JAM3: variants seen among roughly 807,000 people sequenced by gnomAD.
JAM3 encodes the protein junctional adhesion molecule C.
Under a neutral mutation model 39.4 loss-of-function variants are expected in JAM3, and 31 were observed. The observed-to-expected ratio is 0.79, with a 90% confidence interval of 0.59 to 1.06. JAM3 has a LOEUF of 1.06. Ranked by LOEUF, JAM3 falls within the 50% of genes least tolerant of loss-of-function variation. The pLI is 0.00. For synonymous variants in JAM3, 182 were observed against 148.7 expected, an observed-to-expected ratio of 1.22 and a Z score of -1.63; for missense variants, 455 against 391.4, an observed-to-expected ratio of 1.16 and a Z score of -1.37.
intron 1 of JAM3, among the ~76,000 whole-genome samples, chr11:134,127,570 CAT>C (rs1942673756): frequency 6.6e-6 from 1 of 152,162 alleles, no homozygotes; most frequent in Non-Finnish European, 1.5e-5. Flanking sequence ...CGTGGTGGCA[CAT>C]GTCTGTAGTC....
At chr11:134,133,123 G>C (rs1401760902) in intron 1 of JAM3, among the ~76,000 whole-genome samples, 1 of 152,216 alleles carries the variant, frequency 6.6e-6, no homozygotes, top group East Asian at 1.9e-4. Context: ...AGAACCAGAA[G>C]TTCTGCATGT....
intron 1 of JAM3, among the ~76,000 whole-genome samples, chr11:134,138,396 C>G (rs596060): frequency 2.3e-5 from 2 of 85,514 alleles, no homozygotes; most frequent in East Asian, 3.8e-4. Flanking sequence ...GGTGGTGTCT[C>G]GTCGAAGTCG....
intron 1 of JAM3, among the ~76,000 whole-genome samples, chr11:134,093,577 G>T (rs879199981): frequency 1.2e-3 from 91 of 78,458 alleles, no homozygotes; most frequent in Admixed American, 2.0e-3. Context: ...TGAGGGAAGC[G>T]TGTCCTGAAC....
intron 1 of JAM3, among the ~76,000 whole-genome samples, chr11:134,088,842 T>A (rs1013448271): frequency 6.6e-6 from 1 of 152,220 alleles, no homozygotes; most frequent in African/African-American, 2.4e-5. Flanking sequence ...CCTGCTGGAG[T>A]GCAGTGGAGC....
intron 1 of JAM3, among the ~76,000 whole-genome samples, chr11:134,084,695 G>A (rs1037805863): frequency 1.3e-5 from 2 of 152,150 alleles, no homozygotes; most frequent in African/African-American, 4.8e-5. Context: ...TTCAGAGGCA[G>A]ATTTAAAGGG....
chr11:134,112,452 CTCTA>C (rs778777450), intron 1 of JAM3, among the ~76,000 whole-genome samples: 42 of 152,150 alleles, frequency 2.8e-4, no homozygotes, highest in Non-Finnish European at 4.8e-4. Flanking sequence ...TTTCAAGTCA[CTCTA>C]TCTAAATGAA....
intron 1 of JAM3, among the ~76,000 whole-genome samples, chr11:134,083,955 A>G (rs1331715764): frequency 1.3e-5 from 2 of 152,188 alleles, no homozygotes; most frequent in African/African-American, 4.8e-5. Context: ...TTGGACTCTA[A>G]AGAAATATTA....
At chr11:134,120,641 A>G (rs1417362285) in intron 1 of JAM3, among the ~76,000 whole-genome samples, 1 of 152,180 alleles carries the variant, frequency 6.6e-6, no homozygotes, top group Non-Finnish European at 1.5e-5. Flanking sequence ...CTGCTCTGCT[A>G]TTCCGATGAG....
intron 6 of JAM3, among the ~76,000 whole-genome samples, chr11:134,147,064 ACT>A (rs1943086880): frequency 6.6e-6 from 1 of 152,072 alleles, no homozygotes; most frequent in Non-Finnish European, 1.5e-5. Flanking sequence ...CGTTTGAGAA[ACT>A]CTGCTCTAGG....
rs769351420 is a variant in JAM3 at position 134,139,897 on chromosome 11, A to T, written c.123A>T (p.Pro41=). Residue 41 remains proline (P), a synonymous_variant, in exon 2 of 9, where the codon CCA becomes CCT. Transcript: ENST00000299106. ...AVNLKSSNRT[P]VVQEFESVEL... ...ATCTCAAATCCAGCAATCGAACCCC[A>T]GTGGTACAGGAATTTGAAAGTAAGT... 1.2e-5 allele frequency: 20 copies of T among 1,613,744 alleles called. No individual in the cohort carries two copies. The highest frequency in any genetic ancestry group is 1.6e-5 in the Non-Finnish European group (19 of 1,179,746).
intron 1 of JAM3, among the ~76,000 whole-genome samples, chr11:134,131,471 C>T (rs140524100): frequency 7.9e-5 from 12 of 151,848 alleles, no homozygotes; most frequent in African/African-American, 2.9e-4. Flanking sequence ...CAGAGTTAAC[C>T]GTATTATAAT....
In JAM3 at chr11:134,133,999, A is replaced by G. The variant is rs56236917; in HGVS notation, c.77-5852A>G. Among the ~76,000 whole-genome samples, 300 of 152,248 alleles carry G rather than the reference A, an allele frequency of 2.0e-3. 2 individuals carry two copies. Among genetic ancestry groups the G allele is most frequent in the Non-Finnish European group, 3.3e-3 (224 of 68,022 alleles). On this transcript the variant is annotated intron_variant, in intron 1 of 8. Coordinates refer to ENST00000299106, the MANE Select transcript of JAM3 (RefSeq NM_032801.5). ...TAATATGCTAAGGGTTCTAATGGGA[A>G]AAGTAGATAACATAAGTAGATAACA...
chr11:134,111,924 G>A (rs1942319659), intron 1 of JAM3, among the ~76,000 whole-genome samples: 3 of 152,096 alleles, frequency 2.0e-5, no homozygotes, highest in Admixed American at 2.0e-4. Flanking sequence ...AAACACCTCA[G>A]CGATCTGAAG....
intron 1 of JAM3, among the ~76,000 whole-genome samples, chr11:134,090,014 G>T (rs1941816312): frequency 6.6e-6 from 1 of 152,196 alleles, no homozygotes; most frequent in Admixed American, 6.5e-5. Flanking sequence ...ACTGGTGTGA[G>T]ATGGTATCTC....
In JAM3 at chr11:134,126,960, G is replaced by A. The variant is rs1486267858; in HGVS notation, c.77-12891G>A. Among the ~76,000 whole-genome samples, 4 of 152,206 alleles carry A rather than the reference G, an allele frequency of 2.6e-5. No homozygotes were observed. In the East Asian group the frequency reaches 7.7e-4, roughly 29 times the overall value. ...ATAGCTTTGCCTTTGGGCCATCTTA[G>A]TGTCACTTAGCATTTGAGAAATAAG... On this transcript the variant is annotated intron_variant, in intron 1 of 8. Transcript: ENST00000299106.
intron 1 of JAM3, among the ~76,000 whole-genome samples, chr11:134,072,915 GAA>G (rs927089826): frequency 6.6e-6 from 1 of 151,140 alleles, no homozygotes; most frequent in East Asian, 1.9e-4. Context: ...CGTCTTGGGG[GAA>G]AAAAAAAGAT....
At chr11:134,083,258 A>G (rs1941694534) in intron 1 of JAM3, among the ~76,000 whole-genome samples, 1 of 152,118 alleles carries the variant, frequency 6.6e-6, no homozygotes, top group Non-Finnish European at 1.5e-5. Context: ...TCTGTCATCT[A>G]CCTCCGGTGT....
At chr11:134,096,743 G>A (rs1328773812) in intron 1 of JAM3, among the ~76,000 whole-genome samples, 2 of 152,012 alleles carry the variant, frequency 1.3e-5, no homozygotes, top group Non-Finnish European at 2.9e-5. Flanking sequence ...GTTGTATTGG[G>A]GTGTGTGCTC....
intron 1 of JAM3, among the ~76,000 whole-genome samples, chr11:134,083,840 A>T (rs185281672): frequency 6.6e-6 from 1 of 152,308 alleles, no homozygotes; most frequent in Non-Finnish European, 1.5e-5. Flanking sequence ...TCACCTTACC[A>T]TCATGGCAGA....
Sources: gnomAD v4.1 joint callset for allele counts (sites outside exome capture counted in the v4.1 genomes callset) on GRCh38, gnomAD v4.1.1 for gene constraint, MANE v1.5 for transcripts, NCBI Gene and HGNC (gene_info 2026-07-23, HGNC 2026-07-21) for gene names.